TRAPPC9: variants seen among roughly 807,000 people sequenced by gnomAD.
TRAPPC9 encodes the protein IKK2 binding protein.
TRAPPC9 carries 83 observed loss-of-function variants against 124.0 expected under a neutral mutation model. That is an observed-to-expected ratio of 0.67 (90% CI 0.56 to 0.80). TRAPPC9 has a LOEUF of 0.80. Among genes scored for constraint, TRAPPC9 ranks in the 30% least tolerant of loss-of-function variants. TRAPPC9 has a pLI of 0.00. For missense variants in TRAPPC9, 1,302 were observed against 1,508.3 expected, an observed-to-expected ratio of 0.86 and a Z score of 2.27; for synonymous variants, 638 against 617.5, an observed-to-expected ratio of 1.03 and a Z score of -0.49.
At chr8:139,854,786 A>G (rs532615566) in intron 21 of TRAPPC9, among the ~76,000 whole-genome samples, 1 of 152,356 alleles carries the variant, frequency 6.6e-6, no homozygotes, top group Non-Finnish European at 1.5e-5. Flanking sequence ...AGGACTTGGC[A>G]GTGGCAGGTT....
chr8:140,420,207 T>A (rs2070152440), intron 5 of TRAPPC9, among the ~76,000 whole-genome samples: 2 of 152,062 alleles, frequency 1.3e-5, no homozygotes, highest in Admixed American at 6.6e-5. Context: ...CTAAAAAAAA[T>A]TAAAGAAGGT....
chr8:140,072,693 CAT>C (rs113327909), intron 17 of TRAPPC9, among the ~76,000 whole-genome samples: 3,830 of 150,256 alleles, frequency 0.025, 79 homozygotes, highest in African/African-American at 0.063. Flanking sequence ...ATATTCAATG[CAT>C]ATATATATAT....
chr8:139,779,587 T>C (rs1000369491), intron 21 of TRAPPC9, among the ~76,000 whole-genome samples: 2 of 152,214 alleles, frequency 1.3e-5, no homozygotes, highest in South Asian at 2.1e-4. Flanking sequence ...AACTACATTA[T>C]AATAAGGTTC....
At chr8:140,073,735 A>C (rs985999213) in intron 17 of TRAPPC9, among the ~76,000 whole-genome samples, 1 of 152,210 alleles carries the variant, frequency 6.6e-6, no homozygotes, top group Admixed American at 6.5e-5. Flanking sequence ...ACCGTCACTC[A>C]GTATGGGATG....
chr8:140,346,271 T>C, intron 9 of TRAPPC9, among the ~76,000 whole-genome samples: 1 of 152,274 alleles, frequency 6.6e-6, no homozygotes, highest in Non-Finnish European at 1.5e-5. Context: ...CCAGCCAGTT[T>C]CTCCAGGTCA....
intron 9 of TRAPPC9, among the ~76,000 whole-genome samples, chr8:140,316,259 T>C (rs2066440598): frequency 6.6e-6 from 1 of 152,128 alleles, no homozygotes; most frequent in Non-Finnish European, 1.5e-5. Context: ...TCTTTTTGAT[T>C]TTTTGCTTAA....
At chr8:139,777,031 A>G (rs1205761592) in intron 21 of TRAPPC9, among the ~76,000 whole-genome samples, 13 of 151,542 alleles carry the variant, frequency 8.6e-5, no homozygotes, top group African/African-American at 2.9e-4. Flanking sequence ...AGGCCCTTCC[A>G]CTCTTCACAC....
At chr8:140,350,326 A>G (rs909000892) in intron 9 of TRAPPC9, among the ~76,000 whole-genome samples, 2 of 152,222 alleles carry the variant, frequency 1.3e-5, no homozygotes, top group Non-Finnish European at 2.9e-5. Flanking sequence ...GCCCATGACA[A>G]GATGAGTGAC....
chr8:140,000,737 T>A (rs1011744153), intron 18 of TRAPPC9, among the ~76,000 whole-genome samples: 2 of 152,126 alleles, frequency 1.3e-5, no homozygotes, highest in African/African-American at 4.8e-5. Context: ...AAACAATAGA[T>A]GCTGGAGAGG....
chr8:140,064,316 A>G (rs1189432028), intron 17 of TRAPPC9, among the ~76,000 whole-genome samples: 1 of 152,202 alleles, frequency 6.6e-6, no homozygotes, highest in Non-Finnish European at 1.5e-5. Flanking sequence ...ATGTATACCT[A>G]GAGTCCTGTG....
At chr8:140,293,429 A>T (rs897355419) in intron 11 of TRAPPC9, among the ~76,000 whole-genome samples, 3 of 152,142 alleles carry the variant, frequency 2.0e-5, no homozygotes, top group Non-Finnish European at 4.4e-5. Context: ...TGTTTATTGC[A>T]GCACTATTCA....
chr8:140,091,829 C>G (rs935559991), intron 17 of TRAPPC9, among the ~76,000 whole-genome samples: 1 of 152,224 alleles, frequency 6.6e-6, no homozygotes, highest in African/African-American at 2.4e-5. Flanking sequence ...ACCCAGCAGT[C>G]TCCTCTCAAC....
At chr8:140,421,106 T>C (rs1477685464) in intron 5 of TRAPPC9, among the ~76,000 whole-genome samples, 2 of 152,116 alleles carry the variant, frequency 1.3e-5, no homozygotes, top group Non-Finnish European at 2.9e-5. Context: ...TAGGAGACAG[T>C]GGAATTCTGT....
intron 21 of TRAPPC9, among the ~76,000 whole-genome samples, chr8:139,741,489 T>C (rs1818557367): frequency 6.7e-6 from 1 of 149,280 alleles, no homozygotes; most frequent in Admixed American, 6.6e-5. Flanking sequence ...TTGTTGTTTT[T>C]GTTGTTGTTG....
In TRAPPC9 at chr8:140,270,403, CG is replaced by C. The variant is rs569654652; in HGVS notation, c.2278+5254del. Among the ~76,000 whole-genome samples the C allele has an allele frequency of 1.6e-4, 24 of 152,296 alleles. No individual in the cohort carries two copies. The East Asian group carries it at 2.1e-3, about 13-fold the overall frequency. ...TCCCATCAGCCTCATTCTCGAAATGCGGCTGATAGGGCCATGCCACCAAATG... is the reference window on the plus strand; with the variant it reads ...TCCCATCAGCCTCATTCTCGAAATGCGCTGATAGGGCCATGCCACCAAATG... On this transcript the variant is annotated intron_variant, in intron 15 of 22. Coordinates refer to ENST00000438773, the MANE Select transcript of TRAPPC9 (RefSeq NM_001160372.4).
rs971171924 is a variant in TRAPPC9 at position 139,730,072 on chromosome 8, G to A, written c.*989C>T. Among the ~76,000 whole-genome samples, 1 of 152,210 alleles carries A rather than the reference G, an allele frequency of 6.6e-6. No individual in the cohort carries two copies. The highest frequency in any genetic ancestry group is 1.9e-4 in the East Asian group (1 of 5,148). Reference sequence around the variant, plus strand: ...CTCTCTCCGGTCCTCCCTGAGGAACGCAGGGCCAGCTGCCCACTGTGGCGG... The same window carrying A: ...CTCTCTCCGGTCCTCCCTGAGGAACACAGGGCCAGCTGCCCACTGTGGCGG... On this transcript the variant is annotated 3_prime_UTR_variant, in exon 23 of 23. Transcript: ENST00000438773.
chr8:140,061,480 G>C (rs1842611519), intron 17 of TRAPPC9, among the ~76,000 whole-genome samples: 1 of 152,186 alleles, frequency 6.6e-6, no homozygotes, highest in Admixed American at 6.5e-5. Context: ...AGAGAAGCAA[G>C]CACAGGCCAC....
chr8:139,960,565 C>T (rs1366971867), intron 19 of TRAPPC9, among the ~76,000 whole-genome samples: 1 of 152,240 alleles, frequency 6.6e-6, no homozygotes, highest in African/African-American at 2.4e-5. Context: ...CCACAGGCCA[C>T]ACCGCCCCAC....
At chr8:140,136,432 G>A (rs1041907160) in intron 17 of TRAPPC9, among the ~76,000 whole-genome samples, 1 of 152,162 alleles carries the variant, frequency 6.6e-6, no homozygotes, top group Non-Finnish European at 1.5e-5. Context: ...GCCTTACTGA[G>A]CACATACATG....
Sources: gnomAD v4.1 joint callset for allele counts (sites outside exome capture counted in the v4.1 genomes callset) on GRCh38, gnomAD v4.1.1 for gene constraint, MANE v1.5 for transcripts, NCBI Gene and HGNC (gene_info 2026-07-23, HGNC 2026-07-21) for gene names.